The following CTDP1 variants were observed in gnomAD, a reference collection of about 807,000 sequenced individuals.
CTDP1 encodes RNA polymerase II subunit A C-terminal domain phosphatase.
In CTDP1, 47 loss-of-function variants were observed where a neutral mutation model predicts 91.8. The ratio of observed to expected loss-of-function variants is 0.51; its 90% confidence interval spans 0.41 to 0.65. CTDP1 has a LOEUF of 0.65. CTDP1 is among the 30% of genes least tolerant of loss of function. The probability of loss-of-function intolerance (pLI) is 0.00; values close to 1 mark genes in which losing one functional copy is unlikely to be tolerated. For synonymous variants in CTDP1, 656 were observed against 598.5 expected (o/e 1.10, Z -1.40); for missense variants, 1,272 against 1,373.7 (o/e 0.93, Z 1.17).
chr18:79,736,560 GCTCCCGGAGGTGACT>G, intron 12 of CTDP1, 39 bp downstream of exon 12: 1 of 1,495,284 alleles, frequency 6.7e-7, no homozygotes, highest in Non-Finnish European at 8.9e-7. Flanking sequence ...CCTGACACGG[GCTCCCGGAGGTGACT>G]CTGCAGTTGG....
At chr18:79,697,227 G>A (rs2085766058) in intron 3 of CTDP1, among the ~76,000 whole-genome samples, 1 of 152,216 alleles carries the variant, frequency 6.6e-6, no homozygotes, top group African/African-American at 2.4e-5. Flanking sequence ...CCCCCTGAGC[G>A]GGACCAGGAT....
chr18:79,688,479 G>C (rs926507705), intron 1 of CTDP1, among the ~76,000 whole-genome samples: 2 of 152,074 alleles, frequency 1.3e-5, no homozygotes, highest in African/African-American at 4.8e-5. Context: ...TGGCCAGGCT[G>C]GTCTCGAACT....
chr18:79,714,243 C>T (rs1191663022), intron 7 of CTDP1, among the ~76,000 whole-genome samples: 1 of 152,118 alleles, frequency 6.6e-6, no homozygotes, highest in Admixed American at 6.5e-5. Flanking sequence ...TGGGGATGTT[C>T]AGCTGGTAAG....
Position 79,680,125 on chromosome 18 carries a change from TCCTCCGGGGCCTCTCAGTCCCGTGTAG to T in CTDP1, c.188_214del (p.Ala63_Gly71del). 7.0e-7 allele frequency: 1 copy of T among 1,426,852 alleles called. No homozygotes were observed. The highest frequency in any genetic ancestry group is 9.2e-7 in the Non-Finnish European group (1 of 1,091,570). 88.4% of individuals were successfully genotyped at this position (1,426,852 alleles called of 1,614,324 possible). A position where few individuals can be genotyped will look rare whatever the true frequency, so the allele number is the denominator to read the frequency against. On this transcript the variant is annotated inframe_deletion, in exon 1 of 13. Transcript: ENST00000613122. ...GTTCGAGGCCGCCGCCTCCGCGCAG[TCCTCCGGGGCCTCTCAGTCCCGTGTAG>T]CCTCCGGGGGCTGCGTGCGCCCCGC...
At chr18:79,742,358 T>G (rs1226213501) in intron 12 of CTDP1, among the ~76,000 whole-genome samples, 2 of 152,048 alleles carry the variant, frequency 1.3e-5, no homozygotes, top group Non-Finnish European at 2.9e-5. Flanking sequence ...GGAGAACCCA[T>G]CACACCACAG....
intron 11 of CTDP1, among the ~76,000 whole-genome samples, chr18:79,729,594 C>T (rs2086524156): frequency 6.6e-6 from 1 of 152,262 alleles, no homozygotes; most frequent in Non-Finnish European, 1.5e-5. Flanking sequence ...CTTTAGGCAG[C>T]ATCGGTGGAG....
intron 12 of CTDP1, among the ~76,000 whole-genome samples, chr18:79,749,504 C>CACGCACT (rs6146423): frequency 5.0e-4 from 75 of 151,142 alleles, no homozygotes; most frequent in South Asian, 1.5e-3. Flanking sequence ...AGGGTCGCGC[C>CACGCACT]CCGTGCACAC....
At position 79,695,211 on chromosome 18, in the gene CTDP1, G is replaced by A; in HGVS notation, c.315-14G>A. 6.2e-7 allele frequency: 1 copy of A among 1,613,078 alleles called. No individual in the cohort carries two copies. The highest frequency in any genetic ancestry group is 1.7e-5 in the Admixed American group (1 of 60,028). ...GAGATTTTAAAGTGTTGTTCCCCTT[G>A]TGTTTTTTTGTAGAGCGGTTCTGGT... On this transcript the variant is annotated splice_polypyrimidine_tract_variant and intron_variant, in intron 1 of 12. Coordinates refer to ENST00000613122, the MANE Select transcript of CTDP1 (RefSeq NM_004715.5).
chr18:79,728,430 G>A (rs900213579), intron 10 of CTDP1, among the ~76,000 whole-genome samples: 5 of 152,312 alleles, frequency 3.3e-5, no homozygotes, highest in East Asian at 1.9e-4. Context: ...GCCCACTGAC[G>A]TCTGTTTTGT....
intron 5 of CTDP1, among the ~76,000 whole-genome samples, chr18:79,705,589 G>A (rs1362005321): frequency 6.6e-6 from 1 of 151,702 alleles, no homozygotes; most frequent in African/African-American, 2.4e-5. Flanking sequence ...GGACAGTGCG[G>A]GACGGCGACC....
At chr18:79,725,873 T>C (rs934136568) in intron 10 of CTDP1, among the ~76,000 whole-genome samples, 1 of 152,190 alleles carries the variant, frequency 6.6e-6, no homozygotes, top group African/African-American at 2.4e-5. Context: ...GTGGTTCTGA[T>C]GAGTGATCTT....
Position 79,728,315 on chromosome 18 carries a change from G to T in CTDP1, c.2418-592G>T, listed in dbSNP as rs187723120. Among the ~76,000 whole-genome samples the T allele has an allele frequency of 1.6e-4, 24 of 152,210 alleles. No homozygotes were observed. The East Asian group carries it at 4.6e-3, about 29-fold the overall frequency. On this transcript the variant is annotated intron_variant, in intron 10 of 12. Coordinates refer to ENST00000613122, the MANE Select transcript of CTDP1 (RefSeq NM_004715.5). Reference sequence around the variant, plus strand: ...GGGTTTAGCCATGTTGGCCAGGCTGGTCTCGAACTCCTCACCTGAAGTGAT... The same window carrying T: ...GGGTTTAGCCATGTTGGCCAGGCTGTTCTCGAACTCCTCACCTGAAGTGAT...
intron 4 of CTDP1, among the ~76,000 whole-genome samples, chr18:79,704,109 C>T (rs1225041732): frequency 2.0e-5 from 3 of 152,208 alleles, no homozygotes; most frequent in Non-Finnish European, 4.4e-5. Flanking sequence ...TCAGTATTCA[C>T]ACTCACTGAG....
At chr18:79,697,380 C>T (rs111758099) in intron 3 of CTDP1, among the ~76,000 whole-genome samples, 5,941 of 152,300 alleles carry the variant, frequency 0.039, 193 homozygotes, top group South Asian at 0.16. Flanking sequence ...GAGGGACACC[C>T]CGATGCGCTG....
intron 1 of CTDP1, chr18:79,683,263 A>G (rs1377688573): frequency 1.3e-5 from 2 of 152,272 alleles, no homozygotes; most frequent in Non-Finnish European, 2.9e-5. Flanking sequence ...TGAGATCTTT[A>G]TCTGGGAGAG....
chr18:79,720,641 A>T (rs900058340), intron 10 of CTDP1, among the ~76,000 whole-genome samples: 3 of 152,178 alleles, frequency 2.0e-5, no homozygotes, highest in Non-Finnish European at 4.4e-5. Flanking sequence ...CCTCGTGGTG[A>T]TGTCGTTTCA....
At chr18:79,691,515 TG>T (rs2085622477) in intron 1 of CTDP1, among the ~76,000 whole-genome samples, 1 of 57,982 alleles carries the variant, frequency 1.7e-5, no homozygotes, top group South Asian at 5.3e-4. Context: ...TGGGGAGGAG[TG>T]GACGGCTCCC....
chr18:79,751,701 G>A (rs975501399), intron 12 of CTDP1, among the ~76,000 whole-genome samples: 2 of 152,218 alleles, frequency 1.3e-5, no homozygotes, highest in African/African-American at 4.8e-5. Flanking sequence ...TGCTGTGTGT[G>A]CGTGCAGGTG....
intron 5 of CTDP1, among the ~76,000 whole-genome samples, 191 bp downstream of exon 5, chr18:79,705,108 C>T (rs754279157): frequency 2.0e-5 from 3 of 152,158 alleles, no homozygotes; most frequent in African/African-American, 7.2e-5. Flanking sequence ...GGTGGGGCCG[C>T]GGCTGCTCTG....
Sources: gnomAD v4.1 joint callset for allele counts (sites outside exome capture counted in the v4.1 genomes callset) on GRCh38, gnomAD v4.1.1 for gene constraint, MANE v1.5 for transcripts, NCBI Gene and HGNC (gene_info 2026-07-23, HGNC 2026-07-21) for gene names.